Variants in EFCAB14 observed in about 807,000 individuals in gnomAD.
EFCAB14 encodes the protein EF-hand calcium-binding domain-containing protein 14.
In EFCAB14, 43 loss-of-function variants were observed where a neutral mutation model predicts 56.5. That is an observed-to-expected ratio of 0.76 (90% CI 0.60 to 0.98). The LOEUF (loss-of-function observed/expected upper bound fraction) is 0.98. Ranked by LOEUF, EFCAB14 falls within the 50% of genes least tolerant of loss-of-function variation. The probability of loss-of-function intolerance (pLI) is 0.00; values close to 1 mark genes in which losing one functional copy is unlikely to be tolerated. For missense variants in EFCAB14, 538 were observed against 580.3 expected (o/e 0.93, Z 0.75); for synonymous variants, 235 against 212.9 (o/e 1.10, Z -0.90).
intron 6 of EFCAB14, 47 bp downstream of exon 6, chr1:46,689,540 T>C: frequency 6.3e-7 from 1 of 1,579,794 alleles, no homozygotes; most frequent in Non-Finnish European, 8.7e-7. Context: ...TGGCTGCCTC[T>C]GCAGTGCACT....
intron 2 of EFCAB14, 108 bp from the exon 3 acceptor site, chr1:46,708,159 A>T: frequency 9.4e-6 from 10 of 1,059,752 alleles, no homozygotes; most frequent in Non-Finnish European, 1.3e-5. Flanking sequence ...ATAAAAGTTA[A>T]TTCTGACATT....
intron 3 of EFCAB14, among the ~76,000 whole-genome samples, chr1:46,700,573 T>C (rs1333077476): frequency 6.6e-6 from 1 of 152,206 alleles, no homozygotes; most frequent in Non-Finnish European, 1.5e-5. Flanking sequence ...GCTCTGCTTA[T>C]GGGAGTATAA....
intron 1 of EFCAB14, among the ~76,000 whole-genome samples, chr1:46,716,736 C>T (rs1392710593): frequency 6.6e-6 from 1 of 152,192 alleles, no homozygotes; most frequent in Non-Finnish European, 1.5e-5. Flanking sequence ...TCTTTGAATA[C>T]AAGCTCAGGT....
chr1:46,682,561 G>T (rs981463593), intron 10 of EFCAB14, among the ~76,000 whole-genome samples: 5 of 152,160 alleles, frequency 3.3e-5, no homozygotes, highest in African/African-American at 9.7e-5. Context: ...TCATGGTATT[G>T]TATTTGCTTT....
At chr1:46,705,939 AC>A (rs1229030269) in intron 3 of EFCAB14, among the ~76,000 whole-genome samples, 1 of 151,404 alleles carries the variant, frequency 6.6e-6, no homozygotes, top group Non-Finnish European at 1.5e-5. Context: ...ATTACAGCTC[AC>A]TGCAGCTTCA....
intron 4 of EFCAB14, among the ~76,000 whole-genome samples, chr1:46,695,290 C>T (rs1406929747): frequency 1.3e-5 from 2 of 152,136 alleles, no homozygotes; most frequent in Non-Finnish European, 2.9e-5. Context: ...CTAATGGCTA[C>T]AGAAGCCTAT....
Position 46,688,416 on chromosome 1 carries a change from C to G in EFCAB14, c.924G>C (p.Leu308=), listed in dbSNP as rs778386444. 3 of 1,614,026 alleles carry G rather than the reference C, an allele frequency of 1.9e-6. No homozygotes were observed. The highest frequency in any genetic ancestry group is 1.7e-5 in the Admixed American group (1 of 60,006). ...TVSNLTQRVN[L]IESDVVAMSK... ...TCATAGCAACCACATCGCTTTCTAT[C>G]AGGTTGACTCTCTGGGTAAGATTAC... is the stretch of plus-strand genomic sequence containing the variant. The change falls in exon 7 of 11, where the codon CTG becomes CTC. Residue 308 remains leucine, a synonymous_variant. Transcript: ENST00000371933.
chr1:46,695,124 G>T (rs934976866), intron 4 of EFCAB14, among the ~76,000 whole-genome samples: 5 of 151,932 alleles, frequency 3.3e-5, no homozygotes, highest in African/African-American at 7.3e-5. Context: ...TAATGTAAAT[G>T]ATGAGTTAAT....
At chr1:46,717,717 T>TA (rs2148853054) in intron 1 of EFCAB14, among the ~76,000 whole-genome samples, 186 bp downstream of exon 1, 1 of 152,256 alleles carries the variant, frequency 6.6e-6, no homozygotes, top group East Asian at 1.9e-4. Flanking sequence ...TAAAGACAGA[T>TA]CTCTAACTTA....
chr1:46,718,790 C>T lies in EFCAB14; in HGVS notation c.-703G>A, dbSNP rs1437053324. Reference sequence around the variant, plus strand: ...CCCGAGGCCGAGGAAGATCCGGAGCCCGGCTAGAAGGGTCGGCCTGAGAGA... The same window carrying T: ...CCCGAGGCCGAGGAAGATCCGGAGCTCGGCTAGAAGGGTCGGCCTGAGAGA... On this transcript the variant is annotated 5_prime_UTR_variant, in exon 1 of 11. Transcript: ENST00000371933. The T allele has an allele frequency of 1.3e-5, 2 of 152,378 alleles. No individual in the cohort carries two copies. The highest frequency in any genetic ancestry group is 2.9e-5 in the Non-Finnish European group (2 of 68,150). The allele number at this position is 152,378 out of a possible 1,614,324, so 9.4% of individuals were successfully genotyped here.
intron 2 of EFCAB14, among the ~76,000 whole-genome samples, chr1:46,711,324 A>T (rs1041153940): frequency 2.0e-5 from 3 of 152,272 alleles, no homozygotes; most frequent in East Asian, 3.8e-4. Flanking sequence ...TGCCATACTC[A>T]GGTACCCCGA....
At chr1:46,715,276 G>C (rs1237857581) in intron 2 of EFCAB14, among the ~76,000 whole-genome samples, 2 of 152,194 alleles carry the variant, frequency 1.3e-5, no homozygotes, top group East Asian at 3.8e-4. Context: ...AAGGCCACCA[G>C]GAACAGTGGT....
rs1287940766 is a variant in EFCAB14 at position 46,678,589 on chromosome 1, G to C, written c.1360C>G (p.Leu454Val). 3.1e-6 allele frequency: 5 copies of C among 1,613,986 alleles called. No homozygotes were observed. The highest frequency in any genetic ancestry group is 4.2e-6 in the Non-Finnish European group (5 of 1,180,006). ...GAGGTCCAGATTTCCTGGTAGGTCA[G>C]CTTCCCATCCACGTCCTGGCCAGTC... is the stretch of plus-strand genomic sequence containing the variant. ...RKTGQDVDGK[L>V]TYQEIWTSLG... Residue 454 changes from leucine (L) to valine (V), a missense_variant, in exon 11 of 11, where the codon CTG (leucine) becomes GTG (valine). By Grantham distance (32) the Leu-to-Val change is conservative (BLOSUM62 1). Transcript: ENST00000371933.
chr1:46,689,118 T>A (rs534434568), intron 6 of EFCAB14, among the ~76,000 whole-genome samples: 1 of 152,194 alleles, frequency 6.6e-6, no homozygotes, highest in East Asian at 1.9e-4. Flanking sequence ...TTCTCTTTAA[T>A]GTGATTCTGA....
At chr1:46,714,429 T>TAAAAAAAAAAAAA (rs796203292) in intron 2 of EFCAB14, among the ~76,000 whole-genome samples, 1 of 107,850 alleles carries the variant, frequency 9.3e-6, no homozygotes. Flanking sequence ...TCAGTGTTGC[T>TAAAAAAAAAAAAA]AAAAAAAAAA....
chr1:46,708,478 G>A (rs1360983492), intron 2 of EFCAB14, among the ~76,000 whole-genome samples: 1 of 152,160 alleles, frequency 6.6e-6, no homozygotes, highest in African/African-American at 2.4e-5. Flanking sequence ...GATGATAAAT[G>A]CTAAGTACTG....
intron 10 of EFCAB14, 23 bp from the exon 11 acceptor site, chr1:46,678,659 A>C (rs750746282): frequency 3.2e-5 from 51 of 1,601,506 alleles, no homozygotes; most frequent in Non-Finnish European, 4.0e-5. Context: ...AATTACAAAA[A>C]ATGTATACGT....
At chr1:46,702,835 T>C (rs573109373) in intron 3 of EFCAB14, among the ~76,000 whole-genome samples, 20 of 152,304 alleles carry the variant, frequency 1.3e-4, no homozygotes, top group Admixed American at 9.1e-4. Flanking sequence ...CAGAGTACTA[T>C]AGGAGAAGGG....
chr1:46,676,642 G>C lies in EFCAB14; in HGVS notation c.*1819C>G, dbSNP rs1271635216. The C allele has an allele frequency of 6.6e-6, 1 of 152,520 alleles. No individual in the cohort carries two copies. Among genetic ancestry groups the C allele is most frequent in the Non-Finnish European group, 1.5e-5 (1 of 68,024 alleles). 9.4% of individuals were successfully genotyped at this position (152,520 alleles called of 1,614,324 possible). ...TGTATATATATTAAAAAAAGGTGTG[G>C]GGTGAGAGTGGATGGAAGGCAGTCA... On this transcript the variant is annotated 3_prime_UTR_variant, in exon 11 of 11. Coordinates refer to ENST00000371933, the MANE Select transcript of EFCAB14 (RefSeq NM_014774.3).
Sources: allele counts gnomAD v4.1 joint callset (sites outside exome capture counted in the v4.1 genomes callset), GRCh38; gene constraint gnomAD v4.1.1; transcripts MANE v1.5; gene names NCBI Gene and HGNC (gene_info 2026-07-23, HGNC 2026-07-21).